The following DISC1 variants were observed in gnomAD, a reference collection of about 807,000 sequenced individuals.
DISC1 encodes DISC1 scaffold protein, also known as disrupted in schizophrenia 1 protein.
DISC1 carries 57 observed loss-of-function variants against 84.5 expected under a neutral mutation model. That is an observed-to-expected ratio of 0.67 (90% CI 0.55 to 0.84). The LOEUF is 0.84. Among genes scored for constraint, DISC1 ranks in the 40% least tolerant of loss-of-function variants. The pLI is 0.00. For missense variants in DISC1, 1,000 were observed against 1,057.8 expected (o/e 0.95, Z 0.76); for synonymous variants, 411 against 415.2 (o/e 0.99, Z 0.12).
chr1:231,864,386 G>A (rs1023036008), intron 9 of DISC1, among the ~76,000 whole-genome samples: 7 of 152,072 alleles, frequency 4.6e-5, no homozygotes, highest in South Asian at 2.1e-4. Flanking sequence ...GGGGTGGGCC[G>A]GGCGCAGTGG....
chr1:231,732,255 C>G (rs1353639063), intron 3 of DISC1, among the ~76,000 whole-genome samples: 1 of 152,194 alleles, frequency 6.6e-6, no homozygotes, highest in East Asian at 1.9e-4. Context: ...CCTAGGGTTT[C>G]TCATACATCG....
intron 9 of DISC1, chr1:231,819,218 A>G: frequency 1.2e-6 from 1 of 808,944 alleles, no homozygotes; most frequent in Non-Finnish European, 1.5e-6. Flanking sequence ...TGAAAGAAAT[A>G]TATATATGAA....
intron 1 of DISC1, among the ~76,000 whole-genome samples, chr1:231,691,076 C>T (rs919129111): frequency 1.3e-5 from 2 of 152,130 alleles, no homozygotes; most frequent in African/African-American, 2.4e-5. Flanking sequence ...CACTGTGCTG[C>T]AACTGGAACC....
At chr1:231,825,606 C>T (rs2081807800) in intron 9 of DISC1, among the ~76,000 whole-genome samples, 1 of 152,064 alleles carries the variant, frequency 6.6e-6, no homozygotes, top group South Asian at 2.1e-4. Context: ...TGCATGGGGA[C>T]CCTATCATGT....
At chr1:231,710,184 C>T (rs982299775) in intron 3 of DISC1, among the ~76,000 whole-genome samples, 1 of 152,048 alleles carries the variant, frequency 6.6e-6, no homozygotes, top group Non-Finnish European at 1.5e-5. Context: ...AAAAAAATGA[C>T]AAAAACAATT....
At chr1:231,865,183 A>G (rs2084961164) in intron 9 of DISC1, among the ~76,000 whole-genome samples, 1 of 152,222 alleles carries the variant, frequency 6.6e-6, no homozygotes, top group Non-Finnish European at 1.5e-5. Flanking sequence ...TCTTCACTCT[A>G]GAGCTCTTTC....
chr1:232,022,023 A>G (rs559074530), intron 11 of DISC1, among the ~76,000 whole-genome samples: 4 of 152,132 alleles, frequency 2.6e-5, no homozygotes, highest in Non-Finnish European at 5.9e-5. Flanking sequence ...CTGAAAAGAC[A>G]TGTCACCTTT....
At chr1:231,816,601 T>C (rs938377552) in intron 8 of DISC1, among the ~76,000 whole-genome samples, 1 of 152,216 alleles carries the variant, frequency 6.6e-6, no homozygotes, top group Non-Finnish European at 1.5e-5. Flanking sequence ...GTTTGAGGTA[T>C]GAATCAAGGT....
intron 9 of DISC1, among the ~76,000 whole-genome samples, chr1:231,950,202 TTCTGTGTG>T (rs1658079800): frequency 1.1e-5 from 1 of 91,646 alleles, no homozygotes; most frequent in Non-Finnish European, 2.2e-5. Context: ...TGAAAAAAAA[TTCTGTGTG>T]TGTGTGTGTG....
chr1:231,880,804 G>A (rs987094730), intron 9 of DISC1, among the ~76,000 whole-genome samples: 3 of 152,002 alleles, frequency 2.0e-5, no homozygotes, highest in Admixed American at 1.3e-4. Flanking sequence ...TTCTTGGGTG[G>A]GTCAGCTCCT....
intron 1 of DISC1, 137 bp from the exon 2 acceptor site, chr1:231,693,689 G>T: frequency 7.5e-7 from 1 of 1,335,310 alleles, no homozygotes; most frequent in South Asian, 1.2e-5. Context: ...TTGGCCCTGG[G>T]ACCACTGAGC....
chr1:231,661,251 TG>T (rs1329716337), intron 1 of DISC1, among the ~76,000 whole-genome samples: 1 of 152,088 alleles, frequency 6.6e-6, no homozygotes, highest in Non-Finnish European at 1.5e-5. Flanking sequence ...AGGATCCTAC[TG>T]GGGTTCTCTG....
Position 231,749,980 on chromosome 1 carries a change from A to C in DISC1, c.1172A>C (p.His391Pro). 1 of 1,614,230 alleles carries C rather than the reference A, an allele frequency of 6.2e-7. No individual in the cohort carries two copies. Among genetic ancestry groups the C allele is most frequent in the Non-Finnish European group, 8.5e-7 (1 of 1,180,042 alleles). ...CTGGAACAAGAGAAAATCAGCCTGC[A>C]CTTTCAACTTCCTTCAAGGCAGCCA... ...EDLEQEKISL[H>P]FQLPSRQPAL... Residue 391 changes from histidine to proline, a missense_variant, in exon 4 of 13, where the codon CAC becomes CCC. This residue lies in a region of DISC1 where 311 missense variants were observed against 400.1 expected (regional missense o/e 0.78). Coordinates refer to ENST00000439617, the MANE Select transcript of DISC1 (RefSeq NM_018662.3).
Position 231,637,577 on chromosome 1 carries a change from TA to T in DISC1, c.67+10644del, listed in dbSNP as rs1257021987. Among the ~76,000 whole-genome samples, 337 of 152,358 alleles carry T rather than the reference TA, an allele frequency of 2.2e-3. 1 individual carries two copies. Among genetic ancestry groups the T allele is most frequent in the African/African-American group, 7.6e-3 (314 of 41,586 alleles). On this transcript the variant is annotated intron_variant, in intron 1 of 12. Coordinates refer to ENST00000439617, the MANE Select transcript of DISC1 (RefSeq NM_018662.3). ...GTGGACATGATTTAGCTCCCACTTG[TA>T]GGTGAGACCATGTGATATTTGTGTT... is the stretch of plus-strand genomic sequence containing the variant.
At chr1:231,910,244 C>G (rs1166543950) in intron 9 of DISC1, among the ~76,000 whole-genome samples, 3 of 152,126 alleles carry the variant, frequency 2.0e-5, no homozygotes, top group Non-Finnish European at 4.4e-5. Context: ...TCTTGCTTCT[C>G]TAGTTCTTTT....
At chr1:231,981,840 C>T (rs1236037260) in intron 10 of DISC1, among the ~76,000 whole-genome samples, 13 of 152,094 alleles carry the variant, frequency 8.5e-5, no homozygotes, top group Non-Finnish European at 1.3e-4. Flanking sequence ...TGTGGTTTGA[C>T]GGTCGGTGAA....
intron 9 of DISC1, among the ~76,000 whole-genome samples, chr1:231,924,134 G>C (rs2090189129): frequency 6.6e-6 from 1 of 152,020 alleles, no homozygotes; most frequent in South Asian, 2.1e-4. Flanking sequence ...TACATCTAAA[G>C]TGAAAAAGAT....
chr1:231,956,309 A>G (rs1410556069), intron 9 of DISC1, among the ~76,000 whole-genome samples: 1 of 152,200 alleles, frequency 6.6e-6, no homozygotes, highest in East Asian at 1.9e-4. Context: ...CCTATATCAC[A>G]TAAAACTTTG....
chr1:231,795,661 G>A (rs1028823441), intron 7 of DISC1, among the ~76,000 whole-genome samples: 2 of 152,190 alleles, frequency 1.3e-5, no homozygotes, highest in Non-Finnish European at 2.9e-5. Context: ...GGCCGAGGTG[G>A]GTGGATCACC....
Sources: gnomAD v4.1 joint callset for allele counts (sites outside exome capture counted in the v4.1 genomes callset) on GRCh38, gnomAD v4.1.1 for gene constraint, gnomAD v4.1.1 regional missense constraint, MANE v1.5 for transcripts, NCBI Gene and HGNC (gene_info 2026-07-23, HGNC 2026-07-21) for gene names.